The following DDX4 variants were observed in gnomAD, a reference collection of about 807,000 sequenced individuals.
DDX4 encodes the protein DEAD-box helicase 4.
A neutral mutation model predicts 100.0 loss-of-function variants in DDX4; 25 were observed. That is an observed-to-expected ratio of 0.25 (90% CI 0.18 to 0.35). DDX4 has a LOEUF of 0.35. Ranked by LOEUF, DDX4 falls within the 10% of genes least tolerant of loss-of-function variation. The pLI is 1.00. For synonymous variants in DDX4, 259 were observed against 275.7 expected, an observed-to-expected ratio of 0.94 and a Z score of 0.60; for missense variants, 635 against 882.4, an observed-to-expected ratio of 0.72 and a Z score of 3.55.
chr5:55,815,446 G>A (rs1270514432), intron 21 of DDX4, 23 bp downstream of exon 21: 29 of 1,594,704 alleles, frequency 1.8e-5, no homozygotes, highest in Non-Finnish European at 2.4e-5. Flanking sequence ...GAAAACTTGA[G>A]AACTTGTCTT....
intron 13 of DDX4, among the ~76,000 whole-genome samples, 177 bp from the exon 14 acceptor site, chr5:55,786,341 A>C (rs1160816741): frequency 6.6e-6 from 1 of 152,236 alleles, no homozygotes; most frequent in African/African-American, 2.4e-5. Flanking sequence ...CTGTCAAATC[A>C]TATTATAATA....
At chr5:55,774,543 A>G (rs1213726914) in intron 7 of DDX4, among the ~76,000 whole-genome samples, 4 of 152,118 alleles carry the variant, frequency 2.6e-5, no homozygotes, top group African/African-American at 7.2e-5. Context: ...TATCAAACCC[A>G]GTTTATCTTT....
intron 18 of DDX4, among the ~76,000 whole-genome samples, chr5:55,800,008 AATACTC>A (rs1743197467): frequency 6.6e-6 from 1 of 152,224 alleles, no homozygotes; most frequent in South Asian, 2.1e-4. Context: ...TTAAAAACCA[AATACTC>A]ATCTTGAGTT....
chr5:55,805,585 G>C (rs1005244708), intron 18 of DDX4, among the ~76,000 whole-genome samples: 1 of 152,322 alleles, frequency 6.6e-6, no homozygotes, highest in South Asian at 2.1e-4. Flanking sequence ...AGATGATCAT[G>C]TGGTTTTTGT....
chr5:55,759,376 A>T (rs1760152462), intron 3 of DDX4, among the ~76,000 whole-genome samples: 1 of 151,984 alleles, frequency 6.6e-6, no homozygotes, highest in Non-Finnish European at 1.5e-5. Context: ...GGTTATATAG[A>T]AATGTTTTTA....
intron 3 of DDX4, among the ~76,000 whole-genome samples, chr5:55,755,972 T>C (rs1379084188): frequency 1.3e-5 from 2 of 152,188 alleles, no homozygotes; most frequent in Non-Finnish European, 1.5e-5. Flanking sequence ...TCCCTATAAA[T>C]GGCAGTCATA....
chr5:55,751,587 T>C (rs998810667), intron 3 of DDX4, among the ~76,000 whole-genome samples: 19 of 152,240 alleles, frequency 1.2e-4, no homozygotes, highest in South Asian at 1.0e-3. Flanking sequence ...CATGTTGTTA[T>C]TCTGTAAGTT....
intron 3 of DDX4, among the ~76,000 whole-genome samples, chr5:55,754,608 C>T (rs1004625935): frequency 1.3e-5 from 2 of 151,538 alleles, no homozygotes; most frequent in African/African-American, 4.9e-5. Context: ...CATCAATGTT[C>T]ATCAAGGATA....
At chr5:55,758,296 A>G (rs1760070341) in intron 3 of DDX4, among the ~76,000 whole-genome samples, 2 of 152,238 alleles carry the variant, frequency 1.3e-5, no homozygotes, top group Admixed American at 1.3e-4. Flanking sequence ...AATATATTTT[A>G]TCCATTCAGT....
rs2305124 is a variant in DDX4, at chr5:55,785,849, A to G, written c.842A>G (p.His281Arg). The G allele has an allele frequency of 6.8e-5, 110 of 1,610,612 alleles. 1 individual carries two copies. In the East Asian group the frequency reaches 2.4e-3, roughly 35 times the overall value. ...YDTILVEVSG[H>R]DAPPAILTFE... ...ACTATTCTTGTGGAAGTGTCTGGAC[A>G]TGATGCACCACCAGCAATTCTGGTC... The change falls in exon 13 of 22, where the codon CAT (histidine) becomes CGT (arginine). Residue 281 changes from histidine (H) to arginine (R), a missense_variant. Physicochemically the swap from His to Arg is conservative, Grantham distance 29. This residue lies in a region of DDX4 where 446 missense variants were observed against 540.8 expected (regional missense o/e 0.82). Coordinates refer to ENST00000505374, the MANE Select transcript of DDX4 (RefSeq NM_024415.3).
chr5:55,755,517 A>T (rs1320065024), intron 3 of DDX4, among the ~76,000 whole-genome samples: 1 of 152,050 alleles, frequency 6.6e-6, no homozygotes, highest in African/African-American at 2.4e-5. Flanking sequence ...GTACTATTGG[A>T]TGAAATTAGA....
At chr5:55,753,654 G>A (rs1404910618) in intron 3 of DDX4, among the ~76,000 whole-genome samples, 2 of 147,464 alleles carry the variant, frequency 1.4e-5, no homozygotes, top group Non-Finnish European at 3.0e-5. Context: ...TGGCGATGCG[G>A]GCTCTTTTTT....
intron 7 of DDX4, 136 bp downstream of exon 7, chr5:55,768,076 C>A: frequency 1.3e-6 from 1 of 788,286 alleles, no homozygotes; most frequent in Non-Finnish European, 2.2e-6. Flanking sequence ...ATGTTTTCTG[C>A]TTTTAATATT....
chr5:55,755,840 C>A (rs1759894567), intron 3 of DDX4, among the ~76,000 whole-genome samples: 1 of 152,098 alleles, frequency 6.6e-6, no homozygotes, highest in African/African-American at 2.4e-5. Context: ...TGAAAGCCAG[C>A]ACTCAGATCA....
intron 3 of DDX4, among the ~76,000 whole-genome samples, chr5:55,749,604 AT>A (rs1371833496): frequency 1.3e-5 from 2 of 152,044 alleles, no homozygotes; most frequent in Non-Finnish European, 2.9e-5. Context: ...AGTCTCTGAG[AT>A]TTAAGTTTTT....
intron 7 of DDX4, among the ~76,000 whole-genome samples, chr5:55,771,610 A>T (rs1741258427): frequency 6.6e-6 from 1 of 152,200 alleles, no homozygotes. Context: ...GCTAGGTCAT[A>T]GGCTATATAT....
Position 55,773,183 on chromosome 5 carries a change from C to G in DDX4, c.394+5243C>G, listed in dbSNP as rs552488065. 5.2e-4 allele frequency: 80 copies of G among 152,582 alleles called. 1 individual carries two copies. The highest frequency in any genetic ancestry group is 6.8e-3 in the Middle Eastern group (2 of 294). 9.5% of individuals were successfully genotyped at this position (152,582 alleles called of 1,614,324 possible). On this transcript the variant is annotated intron_variant, in intron 7 of 21. Coordinates refer to ENST00000505374, the MANE Select transcript of DDX4 (RefSeq NM_024415.3). ...AGATGGTGTCTTCTCTCTGTGTCCTCACATGGTGGATAAGGCCAGGCAGCT... is the reference window on the plus strand; with the variant it reads ...AGATGGTGTCTTCTCTCTGTGTCCTGACATGGTGGATAAGGCCAGGCAGCT...
intron 18 of DDX4, among the ~76,000 whole-genome samples, chr5:55,810,552 T>C (rs1744064762): frequency 3.3e-5 from 5 of 152,226 alleles, no homozygotes; most frequent in Admixed American, 1.3e-4. Flanking sequence ...TTTTGGATTT[T>C]CAAATTAGGA....
chr5:55,792,803 C>A lies in DDX4; in HGVS notation c.1465C>A (p.Gln489Lys). 1 of 1,405,222 alleles carries A rather than the reference C, an allele frequency of 7.1e-7. No individual in the cohort carries two copies. The highest frequency in any genetic ancestry group is 9.3e-7 in the Non-Finnish European group (1 of 1,075,024). 87.0% of individuals were successfully genotyped at this position (1,405,222 alleles called of 1,614,324 possible). The change falls in exon 17 of 22, where the codon CAA (glutamine) becomes AAA (lysine). Residue 489 changes from glutamine to lysine, a missense_variant. This residue lies in a region of DDX4 where 115 missense variants were observed against 224.7 expected (regional missense o/e 0.51). Coordinates refer to ENST00000505374, the MANE Select transcript of DDX4 (RefSeq NM_024415.3). ...CAGTGCAACTTTTCCAGAGGAAATT[C>A]AAAGGTTAAGTTTTTTTCTTAAAAA... ...MFSATFPEEI[Q>K]RLAAEFLKSN...
Sources: allele counts gnomAD v4.1 joint callset (sites outside exome capture counted in the v4.1 genomes callset), GRCh38; gene constraint gnomAD v4.1.1; regional missense constraint gnomAD v4.1.1; transcripts MANE v1.5; gene names NCBI Gene and HGNC (gene_info 2026-07-23, HGNC 2026-07-21).